FASN: variants seen among roughly 807,000 people sequenced by gnomAD.
The protein encoded by FASN is fatty acid synthase, also known as 3-hydroxyacyl-[acyl-carrier-protein] dehydratase.
Under a neutral mutation model 250.0 loss-of-function variants are expected in FASN, and 50 were observed. That is an observed-to-expected ratio of 0.20 (90% CI 0.16 to 0.25). The LOEUF (loss-of-function observed/expected upper bound fraction) is 0.25, where lower values mean the gene tolerates loss of function less well. Ranked by LOEUF, FASN falls within the 10% of genes least tolerant of loss-of-function variation. The pLI is 1.00. For missense variants in FASN, 3,031 were observed against 3,498.5 expected (o/e 0.87, Z 3.37); for synonymous variants, 1,909 against 1,584.0 (o/e 1.21, Z -4.87).
At chr17:82,096,544 G>A in intron 1 of FASN, 92 bp from the exon 2 acceptor site, 2 of 1,578,600 alleles carry the variant, frequency 1.3e-6, no homozygotes, top group Non-Finnish European at 1.7e-6. Context: ...ACACCCATGG[G>A]GCCAAGCACC....
chr17:82,088,365 G>T (rs373149859), intron 16 of FASN, 25 bp downstream of exon 16: 16 of 1,611,100 alleles, frequency 9.9e-6, no homozygotes, highest in Non-Finnish European at 1.2e-5. Flanking sequence ...GGAAGAGTCT[G>T]CCCACCCGCC....
chr17:82,094,482 G>C (rs1274802103), intron 3 of FASN, among the ~76,000 whole-genome samples: 6 of 152,060 alleles, frequency 3.9e-5, no homozygotes, highest in Non-Finnish European at 8.8e-5. Context: ...CCCGGGGAGG[G>C]AGCACCTGGA....
rs764311426 is a variant in FASN, at chr17:82,084,159, G to A, written c.4920-6C>T. 4 of 1,602,562 alleles carry A rather than the reference G, an allele frequency of 2.5e-6. No homozygotes were observed. The highest frequency in any genetic ancestry group is 1.1e-5 in the South Asian group (1 of 89,426). On this transcript the variant is annotated splice_polypyrimidine_tract_variant and splice_region_variant and intron_variant, in intron 28 of 42. Transcript: ENST00000306749. ...AGGCCGCCTCCTCCAGCGTCCTGGG[G>A]ATGCAGCAGGTGGGTCAGCACAGGC...
chr17:82,087,607 C>T, intron 19 of FASN, 78 bp downstream of exon 19: 1 of 1,600,922 alleles, frequency 6.2e-7, no homozygotes, highest in Middle Eastern at 1.8e-4. Context: ...GCATGCCTAG[C>T]TGTGGGTGCC....
At chr17:82,096,908 CCTG>C (rs2034314368) in intron 1 of FASN, 1 of 271,370 alleles carries the variant, frequency 3.7e-6, no homozygotes, top group Non-Finnish European at 7.3e-6. Context: ...AGGTGGCCAG[CCTG>C]CTAAGGGCCA....
Position 82,096,321 on chromosome 17 carries a change from G to T in FASN, c.125C>A (p.Ala42Glu), listed in dbSNP as rs1321196832. 2 of 1,612,432 alleles carry T rather than the reference G, an allele frequency of 1.2e-6. No individual in the cohort carries two copies. The highest frequency in any genetic ancestry group is 1.7e-6 in the Non-Finnish European group (2 of 1,179,964). ...MVTDDDRRWK[A>E]GLYGLPRRSG... ...CGGGGAGCCCCGCAGCCACATACCC[G>T]CCTTCCAGCGACGGTCATCGTCCGT... Residue 42 changes from alanine (A) to glutamate (E), a missense_variant and splice_region_variant, in exon 2 of 43, where the codon GCG becomes GAG. Ala to Glu is a moderately radical substitution (Grantham distance 107). Transcript: ENST00000306749.
In FASN at chr17:82,086,392, C is replaced by T. The variant is rs1372358724; in HGVS notation, c.3594G>A (p.Leu1198=). The change falls in exon 22 of 43, where the codon CTG becomes CTA. Residue 1198 remains leucine (L), a synonymous_variant. Transcript: ENST00000306749. ...LQLNGNLQLE[L]AQVLAQERPK... is the part of the protein sequence containing the mutation. ...GCCTCTCCTGGGCCAGCACCTGCGC[C>T]AGCTCCAGCTGCAGGTTCCCGTTGA... 6.2e-7 allele frequency: 1 copy of T among 1,610,206 alleles called. No homozygotes were observed. The highest frequency in any genetic ancestry group is 8.5e-7 in the Non-Finnish European group (1 of 1,179,864).
At chr17:82,096,900 G>A (rs2034314071) in intron 1 of FASN, 1 of 278,186 alleles carries the variant, frequency 3.6e-6, no homozygotes, top group South Asian at 3.6e-5. Context: ...AAGGCCTCAG[G>A]TGGCCAGCCT....
In FASN at chr17:82,084,827, C is replaced by G; in HGVS notation, c.4536G>C (p.Gly1512=). The change falls in exon 26 of 43, where the codon GGG becomes GGC. Residue 1512 remains glycine, a synonymous_variant. Coordinates refer to ENST00000306749, the MANE Select transcript of FASN (RefSeq NM_004104.5). ...VMNVYRDGAW[G]AFRHFLLEED... ...CCTCCAGCAGGAAGTGGCGGAAAGC[C>G]CCCCAGGCCCCGTCGCGGTAGACGT... 6.5e-7 allele frequency: 1 copy of G among 1,550,334 alleles called. No individual in the cohort carries two copies. Among genetic ancestry groups the G allele is most frequent in the Non-Finnish European group, 8.7e-7 (1 of 1,146,956 alleles).
chr17:82,082,745 G>C, intron 33 of FASN, 67 bp from the exon 34 acceptor site: 1 of 1,586,192 alleles, frequency 6.3e-7, no homozygotes, highest in East Asian at 2.3e-5. Flanking sequence ...CGCCGGGCTG[G>C]GGAAGTGGGG....
chr17:82,081,700 G>A lies in FASN; in HGVS notation c.6307C>T (p.His2103Tyr), dbSNP rs200347376. Residue 2103 changes from histidine to tyrosine, a missense_variant, in exon 37 of 43, where the codon CAC becomes TAC. Physicochemically the swap from His to Tyr is moderately conservative, Grantham distance 83. Transcript: ENST00000306749. Reference sequence around the variant, plus strand: ...AGCACAAAGCTGCTCAGGACCATGTGGGGCTGGTTCAGGAAGAGGTCCAGC... The same window carrying A: ...AGCACAAAGCTGCTCAGGACCATGTAGGGCTGGTTCAGGAAGAGGTCCAGC... ...EVLDLFLNQP[H>Y]MVLSSFVLAE... 222 of 1,612,642 alleles carry A rather than the reference G, an allele frequency of 1.4e-4. No homozygotes were observed. Among genetic ancestry groups the A allele is most frequent in the Admixed American group, 2.8e-4 (17 of 60,004 alleles).
At position 82,083,306 on chromosome 17, in the gene FASN, C is replaced by T. The variant is rs2034025242; in HGVS notation, c.5461G>A (p.Gly1821Arg). 5.6e-6 allele frequency: 9 copies of T among 1,612,776 alleles called. No homozygotes were observed. The highest frequency in any genetic ancestry group is 6.8e-6 in the Non-Finnish European group (8 of 1,180,000). ...GTGCACTTGAGGGGCCGTACCACCC[C>T]ATCCCGGATGCCGGCCTGCACAAGC... Reference protein sequence around the residue: ...WALVQAGIRDGVVRPLKCTVF... With the variant: ...WALVQAGIRDRVVRPLKCTVF... The change falls in exon 32 of 43, where the codon GGG (glycine) becomes AGG (arginine). Residue 1821 changes from glycine to arginine, a missense_variant. Physicochemically the swap from Gly to Arg is moderately radical, Grantham distance 125. Coordinates refer to ENST00000306749, the MANE Select transcript of FASN (RefSeq NM_004104.5).
At chr17:82,085,206 G>A in intron 24 of FASN, 32 bp downstream of exon 24, 6 of 1,612,364 alleles carry the variant, frequency 3.7e-6, no homozygotes, top group Non-Finnish European at 5.1e-6. Context: ...TTGGGAGGTG[G>A]GGTGGGGCCT....
At chr17:82,094,780 T>A (rs1463509302) in intron 3 of FASN, among the ~76,000 whole-genome samples, 1 of 151,238 alleles carries the variant, frequency 6.6e-6, no homozygotes, top group Non-Finnish European at 1.5e-5. Context: ...AGAGTGAGAC[T>A]CCGTCTTAAA....
rs1395846587 is a variant in FASN, at chr17:82,081,676, G to A, written c.6331C>T (p.Leu2111=). Residue 2111 remains leucine (L), a synonymous_variant, in exon 37 of 43, where the codon CTG becomes TTG. Coordinates refer to ENST00000306749, the MANE Select transcript of FASN (RefSeq NM_004104.5). ...CTATAGGCCGCAGCCTTCTCAGCCA[G>A]CACAAAGCTGCTCAGGACCATGTGG... ...QPHMVLSSFV[L]AEKAAAYRDR... is the part of the protein sequence containing the mutation. The A allele has an allele frequency of 8.7e-6, 14 of 1,612,660 alleles. No individual in the cohort carries two copies. Among genetic ancestry groups the A allele is most frequent in the Non-Finnish European group, 1.2e-5 (14 of 1,180,012 alleles).
At chr17:82,091,771 T>C (rs772670449) in intron 8 of FASN, 87 bp from the exon 9 acceptor site, 29 of 1,257,556 alleles carry the variant, frequency 2.3e-5, no homozygotes, top group Non-Finnish European at 2.6e-5. Flanking sequence ...GAGACTCTCA[T>C]GTGGGGCCAG....
chr17:82,092,007 G>C (rs2034218874), intron 8 of FASN, among the ~76,000 whole-genome samples: 1 of 152,214 alleles, frequency 6.6e-6, no homozygotes, highest in Non-Finnish European at 1.5e-5. Flanking sequence ...TGCAGAAGTT[G>C]GGGGGCAGAG....
intron 1 of FASN, chr17:82,096,757 G>C (rs558549377): frequency 4.6e-6 from 2 of 432,292 alleles, no homozygotes; most frequent in Non-Finnish European, 8.7e-6. Flanking sequence ...GCAGTTACTG[G>C]TTTCTGCGCC....
chr17:82,088,333 C>A, intron 16 of FASN, 26 bp from the exon 17 acceptor site: 1 of 1,609,726 alleles, frequency 6.2e-7, no homozygotes, highest in South Asian at 1.1e-5. Context: ...GGCCTCAGCA[C>A]AGAGCGGGCG....
Sources: gnomAD v4.1 joint callset for allele counts (sites outside exome capture counted in the v4.1 genomes callset) on GRCh38, gnomAD v4.1.1 for gene constraint, MANE v1.5 for transcripts, NCBI Gene and HGNC (gene_info 2026-07-23, HGNC 2026-07-21) for gene names.